The following ZP3 variants were observed in gnomAD, a reference collection of about 807,000 sequenced individuals.
ZP3 encodes the protein zona pellucida sperm-binding protein 3.
A neutral mutation model predicts 35.6 loss-of-function variants in ZP3; 21 were observed. The observed-to-expected ratio is 0.59, with a 90% CI of 0.42 to 0.85. ZP3 has a LOEUF of 0.85. Among genes scored for constraint, ZP3 ranks in the 40% least tolerant of loss-of-function variants. The probability of loss-of-function intolerance (pLI) is 0.00; values close to 1 mark genes in which losing one functional copy is unlikely to be tolerated. For synonymous variants in ZP3, 207 were observed against 214.5 expected, an observed-to-expected ratio of 0.96 and a Z score of 0.31; for missense variants, 437 against 536.5, an observed-to-expected ratio of 0.81 and a Z score of 1.83.
intron 1 of ZP3, chr7:76,398,659 G>T: frequency 6.5e-7 from 1 of 1,528,644 alleles, no homozygotes; most frequent in South Asian, 1.1e-5. Context: ...CACTGCCTAG[G>T]GTAGGGTGTG....
chr7:76,429,148 A>G (rs1008260046), intron 1 of ZP3: 3 of 267,176 alleles, frequency 1.1e-5, no homozygotes, highest in Admixed American at 9.0e-5. Context: ...CTTGGGTGTT[A>G]CATGGTATCT....
At chr7:76,398,655 C>T in intron 1 of ZP3, 1 of 1,527,506 alleles carries the variant, frequency 6.5e-7, no homozygotes, top group South Asian at 1.1e-5. Flanking sequence ...TTCCCACTGC[C>T]TAGGGTAGGG....
Position 76,431,401 on chromosome 7 carries a change from G to T in ZP3, c.432-1526G>T, listed in dbSNP as rs1333305023. Reference sequence around the variant, plus strand: ...AGAGAGGCTGGTTGTAGGCTGGGATGCTTTAACCTGGCTCCAGATACCTGA... The same window carrying T: ...AGAGAGGCTGGTTGTAGGCTGGGATTCTTTAACCTGGCTCCAGATACCTGA... On this transcript the variant is annotated intron_variant, in intron 2 of 7. Transcript: ENST00000394857. Among the ~76,000 whole-genome samples, 9 of 152,296 alleles carry T rather than the reference G, an allele frequency of 5.9e-5. No homozygotes were observed. The East Asian group carries it at 1.7e-3, about 29-fold the overall frequency.
chr7:76,439,957 C>T, intron 5 of ZP3: 1 of 322,808 alleles, frequency 3.1e-6, no homozygotes, highest in Non-Finnish European at 5.8e-6. Context: ...CAGTGATTCT[C>T]CTGCCTCAGC....
At chr7:76,406,770 C>T (rs1406053726) in intron 1 of ZP3, among the ~76,000 whole-genome samples, 13 of 151,234 alleles carry the variant, frequency 8.6e-5, no homozygotes, top group South Asian at 4.2e-4. Context: ...TTTTAATACC[C>T]CAATCCTAAA....
At chr7:76,437,865 A>G (rs1431320522) in intron 5 of ZP3, among the ~76,000 whole-genome samples, 1 of 152,222 alleles carries the variant, frequency 6.6e-6, no homozygotes, top group African/African-American at 2.4e-5. Flanking sequence ...AGTTAGCACC[A>G]GAAAAACATA....
chr7:76,412,036 A>T (rs764970226), intron 1 of ZP3, among the ~76,000 whole-genome samples: 19 of 151,814 alleles, frequency 1.3e-4, no homozygotes. Flanking sequence ...CTACAAAAAT[A>T]AAATAATTAG....
chr7:76,426,907 C>CACACACACACAAAA (rs57796274), intron 1 of ZP3, among the ~76,000 whole-genome samples: 1 of 126,870 alleles, frequency 7.9e-6, no homozygotes, highest in African/African-American at 3.1e-5. Context: ...CACACACACA[C>CACACACACACAAAA]AATAGGGTGT....
intron 1 of ZP3, among the ~76,000 whole-genome samples, chr7:76,417,628 C>G (rs532125389): frequency 1.6e-5 from 2 of 128,264 alleles, no homozygotes; most frequent in Non-Finnish European, 3.2e-5. Flanking sequence ...TTTTTTTTTT[C>G]GAGACAAGAT....
chr7:76,402,565 C>T (rs969251950), intron 1 of ZP3, among the ~76,000 whole-genome samples: 1 of 151,950 alleles, frequency 6.6e-6, no homozygotes, highest in African/African-American at 2.4e-5. Flanking sequence ...GTGATCCTCC[C>T]GTCTCAGCCT....
rs541167188 is a variant in ZP3, at chr7:76,425,007, G to T, written c.43G>T (p.Gly15Cys). ...YRLFICLLLW[G>C]STELCYPQPL... ...GCTCTTCATCTGCCTCCTGCTCTGGGGTAGTACTGAGCTGTGCTACCCCCA... is the reference window on the plus strand; with the variant it reads ...GCTCTTCATCTGCCTCCTGCTCTGGTGTAGTACTGAGCTGTGCTACCCCCA... The change falls in exon 1 of 8, where the codon GGT (glycine) becomes TGT (cysteine). Residue 15 changes from glycine to cysteine, a missense_variant. Transcript: ENST00000394857. 1 of 1,569,628 alleles carries T rather than the reference G, an allele frequency of 6.4e-7. No homozygotes were observed.
At chr7:76,397,683 C>T in exon 1 of ZP3, 1 of 1,613,310 alleles carries the variant, frequency 6.2e-7, no homozygotes, top group South Asian at 1.1e-5. Flanking sequence ...GCGGCCATGG[C>T]CGCCCCGCAG....
At chr7:76,405,312 TATATGTA>T (rs1804974780) in intron 1 of ZP3, among the ~76,000 whole-genome samples, 2 of 69,114 alleles carry the variant, frequency 2.9e-5, no homozygotes, top group East Asian at 1.1e-3. Flanking sequence ...TATATATATA[TATATGTA>T]TTTTTTTCTT....
At chr7:76,398,511 G>A (rs1320266910) in intron 1 of ZP3, among the ~76,000 whole-genome samples, 1 of 152,062 alleles carries the variant, frequency 6.6e-6, no homozygotes, top group Non-Finnish European at 1.5e-5. Context: ...CACCATGTTG[G>A]CCAGTCTGGT....
intron 1 of ZP3, among the ~76,000 whole-genome samples, chr7:76,427,006 G>A (rs1291291273): frequency 2.0e-5 from 3 of 152,018 alleles, no homozygotes; most frequent in Non-Finnish European, 4.4e-5. Flanking sequence ...AGTGAGCTAC[G>A]ATTGTGCCAC....
Position 76,433,518 on chromosome 7 carries a change from C to G in ZP3, c.584C>G (p.Ala195Gly), listed in dbSNP as rs746023959. 6.2e-7 allele frequency: 1 copy of G among 1,614,072 alleles called. No individual in the cohort carries two copies. The highest frequency in any genetic ancestry group is 2.2e-5 in the East Asian group (1 of 44,878). ...TCCCCCACCTTCCACCTGGGAGATG[C>G]AGCCCACCTCCAGGCAGAAATCCAC... ...KRSPTFHLGD[A>G]AHLQAEIHTG... The change falls in exon 4 of 8, where the codon GCA (alanine) becomes GGA (glycine). Residue 195 changes from alanine to glycine, a missense_variant. Physicochemically the swap from Ala to Gly is moderately conservative, Grantham distance 60. Coordinates refer to ENST00000394857, the MANE Select transcript of ZP3 (RefSeq NM_001110354.2).
intron 1 of ZP3, among the ~76,000 whole-genome samples, chr7:76,410,228 T>C (rs1249284121): frequency 6.6e-6 from 1 of 152,060 alleles, no homozygotes; most frequent in Non-Finnish European, 1.5e-5. Context: ...ACTGGGTTTC[T>C]CCATGTTGGC....
At chr7:76,439,125 C>A in intron 5 of ZP3, among the ~76,000 whole-genome samples, 1 of 114,698 alleles carries the variant, frequency 8.7e-6, no homozygotes, top group African/African-American at 3.3e-5. Context: ...CAGCAAGACT[C>A]CACCTCAAAA....
At chr7:76,402,544 C>G (rs921521619) in intron 1 of ZP3, among the ~76,000 whole-genome samples, 1 of 152,104 alleles carries the variant, frequency 6.6e-6, no homozygotes, top group African/African-American at 2.4e-5. Context: ...GTCTCGAACT[C>G]TTGGCCTCAA....
Sources: gnomAD v4.1 joint callset for allele counts (sites outside exome capture counted in the v4.1 genomes callset) on GRCh38, gnomAD v4.1.1 for gene constraint, MANE v1.5 for transcripts, NCBI Gene and HGNC (gene_info 2026-07-23, HGNC 2026-07-21) for gene names.